The following CNTNAP2 variants were observed in gnomAD, a reference collection of about 807,000 sequenced individuals.
The protein encoded by CNTNAP2 is contactin-associated protein-like 2.
CNTNAP2 carries 98 observed loss-of-function variants against 155.2 expected under a neutral mutation model. The observed-to-expected ratio is 0.63, with a 90% confidence interval of 0.54 to 0.75. The LOEUF (loss-of-function observed/expected upper bound fraction) is 0.75. Ranked by LOEUF, CNTNAP2 falls within the 30% of genes least tolerant of loss-of-function variation. The pLI, the probability that CNTNAP2 is intolerant of heterozygous loss-of-function variation, is 0.00. For missense variants in CNTNAP2, 1,727 were observed against 1,688.1 expected, an observed-to-expected ratio of 1.02 and a Z score of -0.40; for synonymous variants, 651 against 631.2, an observed-to-expected ratio of 1.03 and a Z score of -0.47.
chr7:147,340,237 G>A (rs973615391), intron 9 of CNTNAP2, among the ~76,000 whole-genome samples: 4 of 152,096 alleles, frequency 2.6e-5, no homozygotes, highest in Non-Finnish European at 4.4e-5. Flanking sequence ...AAGTTTAAGG[G>A]AATCTGCTCA....
rs373253738 is a variant in CNTNAP2 at position 147,347,630 on chromosome 7, G to T, written c.1498+47340G>T. On this transcript the variant is annotated intron_variant, in intron 9 of 23. Transcript: ENST00000361727. ...ACCAGAAGCAACCTACAGATTCAATGCAATCTCTATCAAAATAGGAATTAC... is the reference window on the plus strand; with the variant it reads ...ACCAGAAGCAACCTACAGATTCAATTCAATCTCTATCAAAATAGGAATTAC... Among the ~76,000 whole-genome samples, 3 of 151,564 alleles carry T rather than the reference G, an allele frequency of 2.0e-5. No individual in the cohort carries two copies. In the East Asian group the frequency reaches 5.8e-4, roughly 30 times the overall value.
At chr7:148,153,219 A>T (rs1805337176) in intron 17 of CNTNAP2, among the ~76,000 whole-genome samples, 1 of 144,986 alleles carries the variant, frequency 6.9e-6, no homozygotes, top group South Asian at 2.2e-4. Flanking sequence ...CCAGGCTCAC[A>T]TGTCCTTTTG....
chr7:148,213,878 A>G (rs3923876), intron 18 of CNTNAP2, among the ~76,000 whole-genome samples: 67,365 of 151,940 alleles, frequency 0.44, 15,169 homozygotes, highest in East Asian at 0.55. Context: ...CCCAACACCC[A>G]GCTGAAATGT....
chr7:148,313,381 C>T (rs1371358653), intron 21 of CNTNAP2, among the ~76,000 whole-genome samples: 1 of 151,818 alleles, frequency 6.6e-6, no homozygotes, highest in Non-Finnish European at 1.5e-5. Flanking sequence ...GTTCCAGGGG[C>T]TCTGGGAGTG....
At chr7:148,272,924 G>A (rs1223988622) in intron 21 of CNTNAP2, among the ~76,000 whole-genome samples, 2 of 152,116 alleles carry the variant, frequency 1.3e-5, no homozygotes, top group Non-Finnish European at 2.9e-5. Flanking sequence ...AGAGACGAGA[G>A]AATCAATTTT....
intron 8 of CNTNAP2, among the ~76,000 whole-genome samples, chr7:147,211,934 A>G (rs984690914): frequency 2.0e-5 from 3 of 152,152 alleles, no homozygotes; most frequent in Non-Finnish European, 2.9e-5. Context: ...AAAGTGGACA[A>G]AAGACATGAA....
intron 3 of CNTNAP2, among the ~76,000 whole-genome samples, chr7:146,924,681 G>C (rs541418946): frequency 6.6e-6 from 1 of 152,096 alleles, no homozygotes; most frequent in East Asian, 1.9e-4. Flanking sequence ...GAAGTCAGAT[G>C]ATCTTACCTA....
At chr7:146,751,739 A>G (rs1045514956) in intron 1 of CNTNAP2, among the ~76,000 whole-genome samples, 2 of 151,862 alleles carry the variant, frequency 1.3e-5, no homozygotes, top group African/African-American at 4.8e-5. Context: ...TAAGCCCCAC[A>G]TGCGTTAGGT....
intron 13 of CNTNAP2, among the ~76,000 whole-genome samples, chr7:147,841,141 G>A (rs1014225125): frequency 6.6e-6 from 1 of 152,156 alleles, no homozygotes; most frequent in South Asian, 2.1e-4. Flanking sequence ...GTGAGACAGA[G>A]AGACAAAATG....
chr7:147,469,568 G>C (rs1339082615), intron 10 of CNTNAP2, among the ~76,000 whole-genome samples: 13 of 133,638 alleles, frequency 9.7e-5, no homozygotes, highest in African/African-American at 3.4e-4. Context: ...GCCCAGGCTG[G>C]AGTGCAGTGG....
At position 147,491,355 on chromosome 7, in the gene CNTNAP2, T is replaced by C. The variant is rs141831127; in HGVS notation, c.1777+5314T>C. 4.6e-3 allele frequency among the ~76,000 whole-genome samples: 695 copies of C among 152,210 alleles called. 3 individuals carry two copies. The highest frequency in any genetic ancestry group is 0.016 in the African/African-American group (661 of 41,530). ...CAGGACATTTGCACATCTACCTCTC[T>C]GCTTTGTCTAGTACATTTCTACTCC... On this transcript the variant is annotated intron_variant, in intron 11 of 23. Transcript: ENST00000361727.
intron 8 of CNTNAP2, among the ~76,000 whole-genome samples, chr7:147,189,627 T>G (rs956960363): frequency 1.2e-4 from 19 of 152,164 alleles, no homozygotes; most frequent in Non-Finnish European, 2.2e-4. Flanking sequence ...TAACATCCAT[T>G]GATATACCAC....
intron 2 of CNTNAP2, among the ~76,000 whole-genome samples, chr7:146,808,318 GT>G (rs1256195242): frequency 6.6e-6 from 1 of 152,174 alleles, no homozygotes; most frequent in Non-Finnish European, 1.5e-5. Flanking sequence ...ACAAGATGCT[GT>G]GCATTGATTG....
intron 10 of CNTNAP2, among the ~76,000 whole-genome samples, chr7:147,482,041 A>G (rs1798430909): frequency 6.6e-6 from 1 of 152,126 alleles, no homozygotes. Flanking sequence ...CATTGCATTC[A>G]TCCATTCTTT....
intron 5 of CNTNAP2, among the ~76,000 whole-genome samples, chr7:147,116,409 C>A (rs1563082178): frequency 6.6e-6 from 1 of 152,240 alleles, no homozygotes; most frequent in African/African-American, 2.4e-5. Flanking sequence ...CCAAGGCCCA[C>A]AGGCTGGACT....
At chr7:147,434,945 G>A (rs528568301) in intron 10 of CNTNAP2, among the ~76,000 whole-genome samples, 1 of 152,280 alleles carries the variant, frequency 6.6e-6, no homozygotes, top group African/African-American at 2.4e-5. Flanking sequence ...TGTGGTTCAG[G>A]TATTTGTGTG....
At chr7:146,830,127 A>G (rs1803482435) in intron 2 of CNTNAP2, among the ~76,000 whole-genome samples, 1 of 152,010 alleles carries the variant, frequency 6.6e-6, no homozygotes, top group South Asian at 2.1e-4. Context: ...ATTTTACTAT[A>G]ATCGAATTTA....
At chr7:147,662,029 C>G (rs961130489) in intron 13 of CNTNAP2, among the ~76,000 whole-genome samples, 7 of 152,114 alleles carry the variant, frequency 4.6e-5, no homozygotes, top group African/African-American at 7.2e-5. Context: ...TCAGGAGATA[C>G]CTCTGAGTCT....
intron 18 of CNTNAP2, among the ~76,000 whole-genome samples, chr7:148,192,345 T>A (rs545309404): frequency 6.6e-6 from 1 of 152,338 alleles, no homozygotes; most frequent in Admixed American, 6.5e-5. Context: ...GCAGTATTTG[T>A]CTGTCTCGGT....
Sources: gnomAD v4.1 joint callset for allele counts (sites outside exome capture counted in the v4.1 genomes callset) on GRCh38, gnomAD v4.1.1 for gene constraint, MANE v1.5 for transcripts, NCBI Gene and HGNC (gene_info 2026-07-23, HGNC 2026-07-21) for gene names.